The following SHISA9 variants were observed in gnomAD, a reference collection of about 807,000 sequenced individuals.
The protein encoded by SHISA9 is shisa family member 9, also known as protein shisa-9.
SHISA9 carries 13 observed loss-of-function variants against 38.0 expected under a neutral mutation model. The ratio of observed to expected loss-of-function variants is 0.34; its 90% CI spans 0.22 to 0.54. The LOEUF is 0.54. Among genes scored for constraint, SHISA9 ranks in the 20% least tolerant of loss-of-function variants. The pLI is 0.91. For synonymous variants in SHISA9, 275 were observed against 242.0 expected, an observed-to-expected ratio of 1.14 and a Z score of -1.27; for missense variants, 538 against 575.8, an observed-to-expected ratio of 0.93 and a Z score of 0.67.
chr16:13,298,409 T>G, the SHISA9 span, among the ~76,000 whole-genome samples: 1 of 152,176 alleles, frequency 6.6e-6, no homozygotes, highest in East Asian at 1.9e-4. Flanking sequence ...CGATGATGAC[T>G]CACATAATTA....
At chr16:13,352,955 T>G in the SHISA9 span, among the ~76,000 whole-genome samples, 19 of 152,292 alleles carry the variant, frequency 1.2e-4, no homozygotes, top group African/African-American at 4.3e-4. Context: ...ACTTCTTTTG[T>G]GATTCTTTAG....
At chr16:13,480,091 G>T in the SHISA9 span, among the ~76,000 whole-genome samples, 1 of 152,100 alleles carries the variant, frequency 6.6e-6, no homozygotes, top group African/African-American at 2.4e-5. Context: ...AGACCCCTAG[G>T]CCTACCTCTT....
At chr16:13,390,021 A>G in the SHISA9 span, among the ~76,000 whole-genome samples, 3 of 152,298 alleles carry the variant, frequency 2.0e-5, no homozygotes, top group South Asian at 4.1e-4. Context: ...CCCAACTGAC[A>G]AGTGCAAAAT....
chr16:13,256,622 A>G, the SHISA9 span, among the ~76,000 whole-genome samples: 2 of 152,290 alleles, frequency 1.3e-5, no homozygotes, highest in Middle Eastern at 3.4e-3. Flanking sequence ...CTTTCTCCCT[A>G]CTAGACTGGG....
intron 2 of SHISA9, among the ~76,000 whole-genome samples, chr16:12,987,018 A>G (rs566481743): frequency 6.6e-6 from 1 of 152,344 alleles, no homozygotes; most frequent in South Asian, 2.1e-4. Flanking sequence ...AGAGGAGGAC[A>G]GGGACTGTTT....
At chr16:13,216,839 G>A (rs544881184) in intron 4 of SHISA9, among the ~76,000 whole-genome samples, 1 of 152,220 alleles carries the variant, frequency 6.6e-6, no homozygotes, top group Admixed American at 6.5e-5. Context: ...CATGCTAGTT[G>A]GTACGATTTA....
the SHISA9 span, among the ~76,000 whole-genome samples, chr16:13,313,773 T>C: frequency 1.6e-3 from 238 of 152,272 alleles, 2 homozygotes; most frequent in Admixed American, 3.1e-3. Context: ...CATAGGGAAA[T>C]GCCAAATTAT....
intron 2 of SHISA9, among the ~76,000 whole-genome samples, chr16:13,087,774 G>C (rs1453147575): frequency 6.6e-6 from 1 of 152,176 alleles, no homozygotes; most frequent in Non-Finnish European, 1.5e-5. Context: ...CATTCTGTAG[G>C]TTGCCTGTTC....
chr16:12,972,578 G>A (rs868043101), intron 2 of SHISA9, among the ~76,000 whole-genome samples: 18 of 152,214 alleles, frequency 1.2e-4, no homozygotes, highest in Admixed American at 4.6e-4. Flanking sequence ...GAAATACTCC[G>A]TGTCTGTTCT....
chr16:12,969,103 GCTGAGATC>G (rs2072019944), intron 2 of SHISA9, among the ~76,000 whole-genome samples: 2 of 151,402 alleles, frequency 1.3e-5, no homozygotes, highest in South Asian at 4.2e-4. Flanking sequence ...GTTACAGTGA[GCTGAGATC>G]CTGCCACTGC....
At chr16:13,040,681 C>G (rs1326473887) in intron 2 of SHISA9, among the ~76,000 whole-genome samples, 1 of 152,160 alleles carries the variant, frequency 6.6e-6, no homozygotes, top group Non-Finnish European at 1.5e-5. Flanking sequence ...GCATACAATG[C>G]CCCAGTAGAA....
At chr16:13,275,077 C>T in the SHISA9 span, among the ~76,000 whole-genome samples, 1 of 152,130 alleles carries the variant, frequency 6.6e-6, no homozygotes, top group Non-Finnish European at 1.5e-5. Flanking sequence ...TTGAGTGCAG[C>T]TCTACCGTCT....
chr16:13,333,792 G>T, the SHISA9 span, among the ~76,000 whole-genome samples: 2 of 152,262 alleles, frequency 1.3e-5, no homozygotes, highest in African/African-American at 4.8e-5. Context: ...AAAGGGAGGG[G>T]GAAGTTGGGG....
intron 3 of SHISA9, among the ~76,000 whole-genome samples, chr16:13,210,441 A>T (rs2051107593): frequency 6.6e-6 from 1 of 151,890 alleles, no homozygotes; most frequent in African/African-American, 2.4e-5. Context: ...TCAAAATTTT[A>T]ATTTTATTAA....
At chr16:13,373,259 C>T in the SHISA9 span, among the ~76,000 whole-genome samples, 5 of 152,176 alleles carry the variant, frequency 3.3e-5, no homozygotes, top group African/African-American at 1.2e-4. Flanking sequence ...TTAGCTGATT[C>T]GCCATAAAAC....
At chr16:13,184,397 T>G (rs191486900) in intron 2 of SHISA9, among the ~76,000 whole-genome samples, 1 of 152,364 alleles carries the variant, frequency 6.6e-6, no homozygotes, top group East Asian at 1.9e-4. Context: ...TCTCACCGTT[T>G]CTGGAACACC....
intron 2 of SHISA9, among the ~76,000 whole-genome samples, chr16:13,169,086 G>C (rs540520126): frequency 1.3e-5 from 2 of 152,144 alleles, no homozygotes; most frequent in Non-Finnish European, 2.9e-5. Context: ...GACCCCTACG[G>C]AAGACCTCAC....
chr16:13,286,135 C>G, the SHISA9 span, among the ~76,000 whole-genome samples: 2 of 152,092 alleles, frequency 1.3e-5, no homozygotes, highest in African/African-American at 4.8e-5. Context: ...AGCCCCCTCC[C>G]CTCTTGAGTT....
downstream of SHISA9, among the ~76,000 whole-genome samples, chr16:13,241,968 A>G (rs530332484): frequency 6.6e-6 from 1 of 152,314 alleles, no homozygotes; most frequent in African/African-American, 2.4e-5. Flanking sequence ...GAGCCACACT[A>G]TTCCTCTAGT....
Sources: allele counts gnomAD v4.1 joint callset (sites outside exome capture counted in the v4.1 genomes callset), GRCh38; gene constraint gnomAD v4.1.1; transcripts MANE v1.5; gene names NCBI Gene and HGNC (gene_info 2026-07-23, HGNC 2026-07-21).